Variants in SCN2A observed in about 807,000 individuals in gnomAD.
SCN2A encodes the protein sodium channel protein type 2 subunit alpha.
Under a neutral mutation model 188.7 loss-of-function variants are expected in SCN2A, and 20 were observed. The observed-to-expected ratio is 0.11, with a 90% CI of 0.07 to 0.15. SCN2A has a LOEUF of 0.15. SCN2A is among the 10% of genes least tolerant of loss of function. SCN2A has a pLI of 1.00. For missense variants in SCN2A, 1,278 were observed against 2,445.0 expected (o/e 0.52, Z 10.07); for synonymous variants, 804 against 833.1 (o/e 0.97, Z 0.60).
chr2:165,246,016 T>G (rs1489502007), intron 1 of SCN2A, among the ~76,000 whole-genome samples: 1 of 152,176 alleles, frequency 6.6e-6, no homozygotes, highest in East Asian at 1.9e-4. Flanking sequence ...CCAATAATGT[T>G]AAGCCTGACT....
At position 165,260,107 on chromosome 2, in the gene SCN2A, C is replaced by T. The variant is rs530118462; in HGVS notation, c.-52+20467C>T. On this transcript the variant is annotated intron_variant, in intron 1 of 26. Transcript: ENST00000375437. ...TACAGGCGCCCGCCACCATGCCCGGCTAATTTTTTGTATTTTTAGTAGAGA... is the reference window on the plus strand; with the variant it reads ...TACAGGCGCCCGCCACCATGCCCGGTTAATTTTTTGTATTTTTAGTAGAGA... Among the ~76,000 whole-genome samples, 6 of 152,012 alleles carry T rather than the reference C, an allele frequency of 3.9e-5. No individual in the cohort carries two copies. The East Asian group carries it at 1.2e-3, about 29-fold the overall frequency.
chr2:165,350,471 T>C (rs1487551976), intron 16 of SCN2A, among the ~76,000 whole-genome samples: 9 of 97,736 alleles, frequency 9.2e-5, no homozygotes, highest in African/African-American at 3.9e-4. Flanking sequence ...TTTCTTTTTT[T>C]TTTTTTTTTT....
intron 1 of SCN2A, among the ~76,000 whole-genome samples, chr2:165,294,370 G>A (rs142092505): frequency 4.6e-5 from 7 of 152,128 alleles, no homozygotes; most frequent in Middle Eastern, 3.4e-3. Flanking sequence ...TCTAGGAATG[G>A]GTGAAAAAAA....
At chr2:165,373,551 G>A in intron 21 of SCN2A, among the ~76,000 whole-genome samples, 1 of 152,106 alleles carries the variant, frequency 6.6e-6, no homozygotes, top group South Asian at 2.1e-4. Flanking sequence ...TTGCCAGAGG[G>A]ATTGTTTCTG....
chr2:165,331,734 G>A lies in SCN2A; in HGVS notation c.2388+166G>A, dbSNP rs187552254. Among the ~76,000 whole-genome samples the A allele has an allele frequency of 1.1e-3, 166 of 152,198 alleles. 2 individuals are homozygous for A. Among genetic ancestry groups the A allele is most frequent in the East Asian group, 5.2e-3 (27 of 5,188 alleles). On this transcript the variant is annotated intron_variant, in intron 14 of 26. Coordinates refer to ENST00000375437, the MANE Select transcript of SCN2A (RefSeq NM_001040142.2). Reference sequence around the variant, plus strand: ...AACAAAAAAATGTTGCTACCATAGTGCAAAAGAGTCAAAGAATTTATGTAC... The same window carrying A: ...AACAAAAAAATGTTGCTACCATAGTACAAAAGAGTCAAAGAATTTATGTAC...
intron 15 of SCN2A, 62 bp from the exon 16 acceptor site, chr2:165,344,493 A>C (rs1699469161): frequency 9.4e-7 from 1 of 1,060,802 alleles, no homozygotes; most frequent in Admixed American, 3.4e-5. Flanking sequence ...TAAAAATAAA[A>C]TAAAATTGCA....
intron 18 of SCN2A, 92 bp from the exon 19 acceptor site, chr2:165,367,125 T>C: frequency 8.3e-7 from 1 of 1,200,202 alleles, no homozygotes; most frequent in Non-Finnish European, 1.2e-6. Context: ...CAATGTATTA[T>C]CAGGTAATAA....
At chr2:165,243,574 T>G (rs1693714287) in intron 1 of SCN2A, 1 of 148,716 alleles carries the variant, frequency 6.7e-6, no homozygotes, top group East Asian at 2.0e-4. Flanking sequence ...TGCACTCCAG[T>G]GTGGGTGACA....
intron 1 of SCN2A, among the ~76,000 whole-genome samples, chr2:165,278,382 G>C (rs1695436671): frequency 6.6e-6 from 1 of 152,166 alleles, no homozygotes; most frequent in African/African-American, 2.4e-5. Flanking sequence ...AGGCAAAGAG[G>C]AGGCAAGGCA....
intron 1 of SCN2A, among the ~76,000 whole-genome samples, chr2:165,282,670 C>G (rs1695634083): frequency 6.6e-6 from 1 of 152,112 alleles, no homozygotes; most frequent in Admixed American, 6.6e-5. Flanking sequence ...CCAGTTTGAG[C>G]CTCTGGAGTA....
intron 1 of SCN2A, among the ~76,000 whole-genome samples, chr2:165,241,753 G>A (rs916309909): frequency 6.6e-6 from 1 of 152,174 alleles, no homozygotes; most frequent in Admixed American, 6.6e-5. Context: ...TCTTGTGCCA[G>A]GCACCATGTT....
At chr2:165,278,948 GA>G (rs1166866344) in intron 1 of SCN2A, among the ~76,000 whole-genome samples, 2 of 151,756 alleles carry the variant, frequency 1.3e-5, no homozygotes, top group Non-Finnish European at 2.9e-5. Flanking sequence ...AACGAGAAAA[GA>G]AAAAGAAAGA....
Position 165,323,146 on chromosome 2 carries a change from T to G in SCN2A, c.1672-10T>G. On this transcript the variant is annotated splice_polypyrimidine_tract_variant and intron_variant, in intron 11 of 26. Transcript: ENST00000375437. ...CATCTCATTTTTGTTTCTTCTCTTG[T>G]TATTCATAGTCCTTACTGAGCATCC... The G allele has an allele frequency of 6.2e-7, 1 of 1,612,792 alleles. No individual in the cohort carries two copies. The highest frequency in any genetic ancestry group is 8.5e-7 in the Non-Finnish European group (1 of 1,179,020).
intron 26 of SCN2A, 22 bp downstream of exon 26, chr2:165,387,038 C>T (rs199756060): frequency 1.2e-6 from 2 of 1,609,506 alleles, no homozygotes; most frequent in Non-Finnish European, 1.7e-6. Flanking sequence ...TGCTTTTATT[C>T]AGTTAAGGAA....
chr2:165,313,494 A>G (rs1451409199), intron 8 of SCN2A, 126 bp from the exon 9 acceptor site: 1 of 949,584 alleles, frequency 1.1e-6, no homozygotes, highest in Non-Finnish European at 1.7e-6. Flanking sequence ...GTACTGGGTA[A>G]GGTGAGAGAA....
chr2:165,296,336 G>A (rs1696510052), intron 2 of SCN2A: 1 of 530,022 alleles, frequency 1.9e-6, no homozygotes, highest in Non-Finnish European at 3.4e-6. Context: ...ATTAAGGAAG[G>A]ACAAAAGCCT....
intron 1 of SCN2A, among the ~76,000 whole-genome samples, chr2:165,284,558 C>G (rs139132186): frequency 2.1e-3 from 317 of 152,274 alleles, no homozygotes; most frequent in African/African-American, 7.3e-3. Context: ...TCTACTGTTC[C>G]ACTGAGGAGT....
chr2:165,240,324 AG>A (rs1401074727), intron 1 of SCN2A, among the ~76,000 whole-genome samples: 1 of 152,198 alleles, frequency 6.6e-6, no homozygotes, highest in Non-Finnish European at 1.5e-5. Flanking sequence ...TTGGGATAAT[AG>A]AACCGTGGCC....
At chr2:165,255,544 G>A (rs1255346495) in intron 1 of SCN2A, among the ~76,000 whole-genome samples, 2 of 151,922 alleles carry the variant, frequency 1.3e-5, no homozygotes, top group Non-Finnish European at 2.9e-5. Context: ...TTAAAATATG[G>A]CTCTATGGTT....
Sources: gnomAD v4.1 joint callset for allele counts (sites outside exome capture counted in the v4.1 genomes callset) on GRCh38, gnomAD v4.1.1 for gene constraint, MANE v1.5 for transcripts, NCBI Gene and HGNC (gene_info 2026-07-23, HGNC 2026-07-21) for gene names.